KLF12: variants seen among roughly 807,000 people sequenced by gnomAD.
The protein encoded by KLF12 is Krueppel-like factor 12.
In KLF12, 9 loss-of-function variants were observed where a neutral mutation model predicts 37.8. The ratio of observed to expected loss-of-function variants is 0.24; its 90% CI spans 0.14 to 0.42. The LOEUF is 0.42. Ranked by LOEUF, KLF12 falls within the 10% of genes least tolerant of loss-of-function variation. The pLI, the probability that KLF12 is intolerant of heterozygous loss-of-function variation, is 1.00. For synonymous variants in KLF12, 208 were observed against 202.1 expected, an observed-to-expected ratio of 1.03 and a Z score of -0.25; for missense variants, 411 against 516.0, an observed-to-expected ratio of 0.80 and a Z score of 1.97.
the KLF12 span, among the ~76,000 whole-genome samples, chr13:74,167,347 T>C: frequency 6.6e-6 from 1 of 152,242 alleles, no homozygotes; most frequent in East Asian, 1.9e-4. Flanking sequence ...AATAGCTGTT[T>C]AGTATTAGGT....
chr13:73,835,353 G>T (rs959633947), intron 4 of KLF12, among the ~76,000 whole-genome samples: 3 of 152,120 alleles, frequency 2.0e-5, no homozygotes, highest in Non-Finnish European at 4.4e-5. Context: ...GCAATAAAAA[G>T]ACTGTCCTTT....
At chr13:74,275,862 CT>C in the KLF12 span, among the ~76,000 whole-genome samples, 161 of 104,608 alleles carry the variant, frequency 1.5e-3, no homozygotes, top group South Asian at 2.2e-3. Flanking sequence ...TTCTTTCTTT[CT>C]TTCTATCTTT....
chr13:74,026,738 T>C (rs917756050), intron 1 of KLF12, among the ~76,000 whole-genome samples: 13 of 152,218 alleles, frequency 8.5e-5, no homozygotes, highest in African/African-American at 3.1e-4. Context: ...TCTAACCTTC[T>C]GTAATTTGTG....
intron 6 of KLF12, among the ~76,000 whole-genome samples, chr13:73,751,397 A>G (rs553935015): frequency 1.3e-5 from 2 of 152,260 alleles, no homozygotes; most frequent in Non-Finnish European, 2.9e-5. Flanking sequence ...CATCCTTGCC[A>G]ACATCTGTTG....
intron 1 of KLF12, among the ~76,000 whole-genome samples, chr13:74,005,506 T>C (rs1239914672): frequency 6.6e-6 from 1 of 152,200 alleles, no homozygotes; most frequent in Non-Finnish European, 1.5e-5. Flanking sequence ...ATCAAATCTG[T>C]GAACAGTAGG....
intron 5 of KLF12, among the ~76,000 whole-genome samples, chr13:73,810,237 G>C (rs150943771): frequency 2.4e-4 from 36 of 151,308 alleles, no homozygotes; most frequent in Non-Finnish European, 4.6e-4. Context: ...AGAGCGAGAC[G>C]CCATCTCAAA....
the KLF12 span, among the ~76,000 whole-genome samples, chr13:74,156,057 A>G: frequency 2.6e-4 from 40 of 152,292 alleles, no homozygotes; most frequent in East Asian, 5.4e-3. Flanking sequence ...TTTCATACAC[A>G]ACTTTCTCAG....
At chr13:73,882,635 G>A (rs2138961102) in intron 3 of KLF12, among the ~76,000 whole-genome samples, 1 of 152,158 alleles carries the variant, frequency 6.6e-6, no homozygotes, top group South Asian at 2.1e-4. Context: ...GAACACATAA[G>A]TAATCATATG....
intron 1 of KLF12, among the ~76,000 whole-genome samples, chr13:74,009,333 C>G (rs1027729486): frequency 2.4e-4 from 36 of 152,278 alleles, no homozygotes; most frequent in African/African-American, 7.9e-4. Flanking sequence ...GTGGTAAGTA[C>G]TTTATACACA....
chr13:74,014,518 C>T (rs1359101147), intron 1 of KLF12, among the ~76,000 whole-genome samples: 1 of 152,042 alleles, frequency 6.6e-6, no homozygotes, highest in Non-Finnish European at 1.5e-5. Flanking sequence ...GATAAAGTTG[C>T]CACAGGGGAC....
intron 1 of KLF12, among the ~76,000 whole-genome samples, chr13:74,018,280 A>G (rs1892752873): frequency 6.6e-6 from 1 of 152,164 alleles, no homozygotes; most frequent in Non-Finnish European, 1.5e-5. Flanking sequence ...AGAAGTAGAG[A>G]GCAGAATGGT....
At chr13:73,761,797 T>C (rs959997330) in intron 6 of KLF12, among the ~76,000 whole-genome samples, 6 of 152,124 alleles carry the variant, frequency 3.9e-5, no homozygotes, top group Admixed American at 3.3e-4. Context: ...AAAGAGGTTT[T>C]TACTTCCCTA....
At chr13:74,143,906 G>A in the KLF12 span, among the ~76,000 whole-genome samples, 2 of 152,170 alleles carry the variant, frequency 1.3e-5, no homozygotes, top group Non-Finnish European at 2.9e-5. Flanking sequence ...CAAGTTTAAG[G>A]TAGGGTAGGT....
At chr13:74,238,657 G>A in the KLF12 span, among the ~76,000 whole-genome samples, 4 of 147,660 alleles carry the variant, frequency 2.7e-5, no homozygotes, top group African/African-American at 5.2e-5. Context: ...CTTCTTCCTG[G>A]TTTAGTCTTG....
chr13:73,994,467 C>G (rs964029421), intron 2 of KLF12, among the ~76,000 whole-genome samples: 4 of 80,888 alleles, frequency 4.9e-5, no homozygotes, highest in Non-Finnish European at 1.0e-4. Context: ...TTCACAGCGC[C>G]CCCCCCACCA....
chr13:74,182,519 T>G, the KLF12 span, among the ~76,000 whole-genome samples: 1 of 152,212 alleles, frequency 6.6e-6, no homozygotes, highest in Admixed American at 6.5e-5. Context: ...CTTCCCTTTC[T>G]GTCACCTCTG....
At chr13:73,702,639 T>C (rs1407043309) in intron 7 of KLF12, among the ~76,000 whole-genome samples, 1 of 152,172 alleles carries the variant, frequency 6.6e-6, no homozygotes, top group Non-Finnish European at 1.5e-5. Flanking sequence ...GGTTCAGAAG[T>C]GCATTTCTGA....
intron 6 of KLF12, among the ~76,000 whole-genome samples, chr13:73,732,651 C>T (rs751032755): frequency 2.0e-5 from 3 of 152,178 alleles, no homozygotes; most frequent in Non-Finnish European, 4.4e-5. Flanking sequence ...GTCCTCCAGC[C>T]GTTTCTCCTT....
the KLF12 span, among the ~76,000 whole-genome samples, chr13:74,299,395 A>G: frequency 3.3e-5 from 5 of 152,258 alleles, no homozygotes; most frequent in East Asian, 1.9e-4. Flanking sequence ...TGCTTTCACA[A>G]TATTTTTTAT....
Sources: gnomAD v4.1 joint callset for allele counts (sites outside exome capture counted in the v4.1 genomes callset) on GRCh38, gnomAD v4.1.1 for gene constraint, MANE v1.5 for transcripts, NCBI Gene and HGNC (gene_info 2026-07-23, HGNC 2026-07-21) for gene names.